PRKG1: variants seen among roughly 807,000 people sequenced by gnomAD.
PRKG1 encodes the protein protein kinase cGMP-dependent 1.
A neutral mutation model predicts 88.1 loss-of-function variants in PRKG1; 35 were observed. That is an observed-to-expected ratio of 0.40 (90% CI 0.30 to 0.53). The LOEUF (loss-of-function observed/expected upper bound fraction) is 0.53, where lower values mean the gene tolerates loss of function less well. Ranked by LOEUF, PRKG1 falls within the 20% of genes least tolerant of loss-of-function variation. The probability of loss-of-function intolerance (pLI) is 0.59; values close to 1 mark genes in which losing one functional copy is unlikely to be tolerated. For missense variants in PRKG1, 540 were observed against 839.8 expected (o/e 0.64, Z 4.41); for synonymous variants, 303 against 292.5 (o/e 1.04, Z -0.37).
intron 2 of PRKG1, among the ~76,000 whole-genome samples, chr10:51,395,588 G>A (rs1391305571): frequency 6.6e-6 from 1 of 152,124 alleles, no homozygotes; most frequent in Admixed American, 6.5e-5. Context: ...GAGTAACTGA[G>A]AAACTGTAAT....
At chr10:52,081,892 A>T (rs763244060) in intron 7 of PRKG1, among the ~76,000 whole-genome samples, 1 of 152,152 alleles carries the variant, frequency 6.6e-6, no homozygotes, top group Non-Finnish European at 1.5e-5. Context: ...GGTCTCATTA[A>T]ATCTACTTGA....
At chr10:51,587,194 A>G (rs1374636901) in intron 3 of PRKG1, among the ~76,000 whole-genome samples, 1 of 152,126 alleles carries the variant, frequency 6.6e-6, no homozygotes, top group Non-Finnish European at 1.5e-5. Context: ...TCCACTTCTA[A>G]ATACTCATAG....
intron 1 of PRKG1, among the ~76,000 whole-genome samples, chr10:50,997,858 A>AATATGTGTATACAT (rs1257852367): frequency 6.6e-6 from 1 of 152,218 alleles, no homozygotes; most frequent in Non-Finnish European, 1.5e-5. Context: ...GGAAAAGAAA[A>AATATGTGTATACAT]ATATGTGTAT....
At position 51,839,626 on chromosome 10, in the gene PRKG1, C is replaced by A. The variant is rs559540134; in HGVS notation, c.698+34936C>A. Among the ~76,000 whole-genome samples, 5 of 152,246 alleles carry A rather than the reference C, an allele frequency of 3.3e-5. No homozygotes were observed. The East Asian group carries it at 7.7e-4, about 24-fold the overall frequency. ...GCCAGATAGCCATGATAAGCAGGAA[C>A]CTGACTTTGTTTTGGATATGCAGGG... On this transcript the variant is annotated intron_variant, in intron 4 of 17. Transcript: ENST00000373980.
intron 9 of PRKG1, chr10:52,242,211 A>G (rs1840881661): frequency 6.6e-6 from 1 of 152,204 alleles, no homozygotes; most frequent in African/African-American, 2.4e-5. Flanking sequence ...TAGCCATGCC[A>G]TAATAGTCAC....
chr10:51,519,912 A>T (rs1300677981), intron 3 of PRKG1, among the ~76,000 whole-genome samples: 1 of 152,174 alleles, frequency 6.6e-6, no homozygotes. Flanking sequence ...GAAACAGGAA[A>T]TTTACCAGTT....
rs537061793 is a variant in PRKG1 at position 51,031,350 on chromosome 10, T to C, written c.266+39706T>C. The stretch of plus-strand genomic sequence containing the variant: ...TTGGTTTTCTCAACTAAATTTAAAT[T>C]TTCTGGAGGACAAGCCACTTTTCAT... On this transcript the variant is annotated intron_variant, in intron 1 of 17. Transcript: ENST00000401604. 4.8e-4 allele frequency among the ~76,000 whole-genome samples: 73 copies of C among 152,272 alleles called. 1 individual carries two copies. Among genetic ancestry groups the C allele is most frequent in the African/African-American group, 1.7e-3 (72 of 41,564 alleles).
intron 2 of PRKG1, among the ~76,000 whole-genome samples, chr10:51,243,110 A>T (rs1296938673): frequency 6.6e-6 from 1 of 152,126 alleles, no homozygotes; most frequent in African/African-American, 2.4e-5. Flanking sequence ...AGTTAGAAGG[A>T]AGGCTTTTTG....
chr10:52,244,749 T>TATATCTTAATATTATATCTAATAATAAA (rs1840965228), intron 9 of PRKG1, among the ~76,000 whole-genome samples: 1 of 144,506 alleles, frequency 6.9e-6, no homozygotes, highest in Non-Finnish European at 1.5e-5. Flanking sequence ...TATATTTAAA[T>TATATCTTAATATTATATCTAATAATAAA]ATATATTAAG....
intron 9 of PRKG1, among the ~76,000 whole-genome samples, chr10:52,248,327 A>G (rs554333880): frequency 3.3e-5 from 5 of 152,232 alleles, no homozygotes; most frequent in Non-Finnish European, 7.3e-5. Context: ...AAATAAATGC[A>G]TATAAAATAT....
At chr10:52,127,715 C>T (rs1194237301) in intron 7 of PRKG1, among the ~76,000 whole-genome samples, 1 of 152,092 alleles carries the variant, frequency 6.6e-6, no homozygotes, top group Non-Finnish European at 1.5e-5. Context: ...ATGATTGTCA[C>T]TAACATTTAT....
chr10:52,068,409 C>A (rs1258474548), intron 7 of PRKG1, among the ~76,000 whole-genome samples: 1 of 152,076 alleles, frequency 6.6e-6, no homozygotes, highest in South Asian at 2.1e-4. Context: ...ACTTTTGAGT[C>A]TTCAGCATAG....
intron 2 of PRKG1, among the ~76,000 whole-genome samples, chr10:51,309,649 T>C (rs1246282497): frequency 6.6e-6 from 1 of 151,998 alleles, no homozygotes; most frequent in Non-Finnish European, 1.5e-5. Flanking sequence ...TTATTGAGAA[T>C]ATAAGTTAGA....
At chr10:52,250,826 A>G (rs1841151718) in intron 9 of PRKG1, among the ~76,000 whole-genome samples, 1 of 152,112 alleles carries the variant, frequency 6.6e-6, no homozygotes, top group Non-Finnish European at 1.5e-5. Context: ...TCAGGTTTGC[A>G]TGTGTGCATA....
intron 9 of PRKG1, among the ~76,000 whole-genome samples, chr10:52,244,783 T>TATATATTTAA (rs1840969635): frequency 8.0e-6 from 1 of 125,638 alleles, no homozygotes; most frequent in Non-Finnish European, 1.6e-5. Flanking sequence ...TATACCTTAA[T>TATATATTTAA]ATATATTTAA....
At chr10:51,287,383 G>A (rs1322441597) in intron 2 of PRKG1, among the ~76,000 whole-genome samples, 1 of 152,136 alleles carries the variant, frequency 6.6e-6, no homozygotes, top group Non-Finnish European at 1.5e-5. Context: ...ATACCTGTGT[G>A]TAGTAGGATT....
intron 3 of PRKG1, among the ~76,000 whole-genome samples, chr10:51,557,348 C>T (rs1266876823): frequency 6.6e-6 from 1 of 151,792 alleles, no homozygotes; most frequent in Non-Finnish European, 1.5e-5. Flanking sequence ...CACCACCACC[C>T]CCCCACCACC....
At chr10:51,444,516 A>C (rs2132755433) in intron 2 of PRKG1, among the ~76,000 whole-genome samples, 1 of 152,070 alleles carries the variant, frequency 6.6e-6, no homozygotes, top group East Asian at 1.9e-4. Flanking sequence ...AAGTTCAATG[A>C]GACTACAATA....
In PRKG1 at chr10:51,591,643, AGGCT is replaced by A. The variant is rs1348907902; in HGVS notation, c.592+123809_592+123812del. On this transcript the variant is annotated intron_variant, in intron 3 of 17. Coordinates refer to ENST00000373980, the MANE Select transcript of PRKG1 (RefSeq NM_006258.4). ...CAATAAAATATTCAAACTGGAATGA[AGGCT>A]GTGGGGGTTGTTAAAAAAGCATCTT... Among the ~76,000 whole-genome samples, 3 of 152,322 alleles carry A rather than the reference AGGCT, an allele frequency of 2.0e-5. No individual in the cohort carries two copies. In the East Asian group the frequency reaches 5.8e-4, roughly 29 times the overall value.
Sources: allele counts gnomAD v4.1 joint callset (sites outside exome capture counted in the v4.1 genomes callset), GRCh38; gene constraint gnomAD v4.1.1; transcripts MANE v1.5; gene names NCBI Gene and HGNC (gene_info 2026-07-23, HGNC 2026-07-21).